DOCK8: variants seen among roughly 807,000 people sequenced by gnomAD.
The protein encoded by DOCK8 is dedicator of cytokinesis 8, also known as dedicator of cytokinesis protein 8.
Under a neutral mutation model 245.6 loss-of-function variants are expected in DOCK8, and 141 were observed. The ratio of observed to expected loss-of-function variants is 0.57; its 90% CI spans 0.50 to 0.66. The LOEUF (loss-of-function observed/expected upper bound fraction) is 0.66. DOCK8 is among the 30% of genes least tolerant of loss of function. DOCK8 has a pLI of 0.00. For missense variants in DOCK8, 2,965 were observed against 2,603.4 expected, an observed-to-expected ratio of 1.14 and a Z score of -3.02; for synonymous variants, 1,168 against 970.2, an observed-to-expected ratio of 1.20 and a Z score of -3.79.
chr9:415,577 G>A (rs1485263699), intron 29 of DOCK8, among the ~76,000 whole-genome samples: 1 of 152,154 alleles, frequency 6.6e-6, no homozygotes. Context: ...ATTAAGGAAT[G>A]TAGAGGGAAA....
chr9:314,564 C>T (rs768479806), intron 6 of DOCK8: 1 of 152,270 alleles, frequency 6.6e-6, no homozygotes, highest in Middle Eastern at 3.4e-3. Context: ...CTAATGGGGC[C>T]TGCTTTTATT....
At chr9:416,502 T>C (rs1057498963) in intron 29 of DOCK8, among the ~76,000 whole-genome samples, 5 of 152,230 alleles carry the variant, frequency 3.3e-5, no homozygotes, top group African/African-American at 1.2e-4. Context: ...GACTTCTTTG[T>C]ATATGCGTTG....
chr9:375,360 T>C (rs573160556), intron 18 of DOCK8, among the ~76,000 whole-genome samples: 4 of 152,292 alleles, frequency 2.6e-5, no homozygotes, highest in Admixed American at 2.0e-4. Context: ...GGTAATGATA[T>C]ATAAACGTAT....
chr9:214,880 C>G lies in DOCK8; in HGVS notation c.-97C>G. ...AGCGCCGACCGACAGACGAGGTTTG[C>G]GCTTGGCTGGGCATGTTCCGCGGCT... is the stretch of plus-strand genomic sequence containing the variant. On this transcript the variant is annotated 5_prime_UTR_variant, in exon 1 of 48. Coordinates refer to ENST00000432829, the MANE Select transcript of DOCK8 (RefSeq NM_203447.4). 1 of 1,601,698 alleles carries G rather than the reference C, an allele frequency of 6.2e-7. No homozygotes were observed. Among genetic ancestry groups the G allele is most frequent in the Non-Finnish European group, 8.5e-7 (1 of 1,174,744 alleles).
chr9:371,344 A>G (rs957914707), intron 16 of DOCK8, 84 bp from the exon 17 acceptor site: 21 of 1,537,728 alleles, frequency 1.4e-5, no homozygotes, highest in African/African-American at 2.7e-5. Flanking sequence ...AATTCTGAGG[A>G]GCAAAGGGGC....
chr9:435,073 T>C, intron 39 of DOCK8, 98 bp downstream of exon 39: 4 of 1,460,984 alleles, frequency 2.7e-6, no homozygotes, highest in Non-Finnish European at 3.7e-6. Flanking sequence ...TAGATACATT[T>C]TTGGTTATCA....
Position 328,121 on chromosome 9 carries a change from G to T in DOCK8, c.994G>T (p.Ala332Ser). Residue 332 changes from alanine to serine, a missense_variant, in exon 9 of 48, where the codon GCA (alanine) becomes TCA (serine). Physicochemically the swap from Ala to Ser is moderately conservative, Grantham distance 99 (BLOSUM62 1). Transcript: ENST00000432829. The part of the protein sequence containing the change: ...SVAASSQARS[A>S]VFSVTYPSSD... The stretch of plus-strand genomic sequence containing the variant: ...GGCCGCATCAAGTCAGGCGAGATCT[G>T]CAGTCTTCTCAGTCACCTACCCGTC... 6.2e-7 allele frequency: 1 copy of T among 1,614,198 alleles called. No individual in the cohort carries two copies. Among genetic ancestry groups the T allele is most frequent in the Non-Finnish European group, 8.5e-7 (1 of 1,180,024 alleles).
intron 46 of DOCK8, among the ~76,000 whole-genome samples, chr9:462,771 G>C (rs2057846340): frequency 6.6e-6 from 1 of 152,200 alleles, no homozygotes; most frequent in African/African-American, 2.4e-5. Context: ...GTAGCAGGAG[G>C]AGGCTGAATG....
intron 26 of DOCK8, among the ~76,000 whole-genome samples, chr9:400,623 C>T (rs374640000): frequency 2.4e-4 from 14 of 59,372 alleles, no homozygotes; most frequent in East Asian, 5.7e-4. Flanking sequence ...ACCTCCACCA[C>T]CATCACCACC....
At chr9:388,537 C>A (rs1410229554) in intron 23 of DOCK8, among the ~76,000 whole-genome samples, 1 of 151,666 alleles carries the variant, frequency 6.6e-6, no homozygotes, top group East Asian at 1.9e-4. Flanking sequence ...TGCATGCGTA[C>A]TGGACTCTGT....
In DOCK8 at chr9:304,428, A is replaced by T. The variant is rs2296820; in HGVS notation, c.405-153A>T. ...ACAGAGCCTTGTATTAGGCCTGGAGAATAATTAAATGTGAGGAATTATAAT... is the reference window on the plus strand; with the variant it reads ...ACAGAGCCTTGTATTAGGCCTGGAGTATAATTAAATGTGAGGAATTATAAT... On this transcript the variant is annotated intron_variant, in intron 4 of 47. Coordinates refer to ENST00000432829, the MANE Select transcript of DOCK8 (RefSeq NM_203447.4). Among the ~76,000 whole-genome samples the T allele has an allele frequency of 0.9, 137,734 of 152,264 alleles. 62,345 individuals are homozygous for T. The highest frequency in any genetic ancestry group is 0.93 in the Admixed American group (14,172 of 15,298).
intron 33 of DOCK8, 56 bp from the exon 34 acceptor site, chr9:426,829 T>G: frequency 7.0e-7 from 1 of 1,427,324 alleles, no homozygotes; most frequent in African/African-American, 1.4e-5. Flanking sequence ...ATTGCCATCA[T>G]GGGAACCTGG....
chr9:346,912 GC>G (rs2051916975), intron 14 of DOCK8, among the ~76,000 whole-genome samples: 1 of 152,090 alleles, frequency 6.6e-6, no homozygotes, highest in Non-Finnish European at 1.5e-5. Flanking sequence ...AGGAAGAGGG[GC>G]AGGACATGGG....
rs754807717 is a variant in DOCK8, at chr9:418,091, A to T, written c.3724A>T (p.Thr1242Ser). 3.7e-6 allele frequency: 6 copies of T among 1,614,118 alleles called. No homozygotes were observed. In the African/African-American group the frequency reaches 8.0e-5, roughly 22 times the overall value. ...FTVADTRRYR[T>S]SGSDEEQEGA... ...AGTTGCAGATACTCGCAGATACCGC[A>T]CCAGTGGCTCGGATGAAGAACAAGA... Residue 1242 changes from threonine (T) to serine (S), a missense_variant, in exon 30 of 48, where the codon ACC becomes TCC. Thr to Ser is a moderately conservative substitution (Grantham distance 58). This residue lies in a region of DOCK8 where 2,825 missense variants were observed against 2,453.5 expected (regional missense o/e 1.15). Coordinates refer to ENST00000432829, the MANE Select transcript of DOCK8 (RefSeq NM_203447.4).
Position 310,113 on chromosome 9 carries a change from C to T in DOCK8, c.529-1841C>T, listed in dbSNP as rs138758022. Among the ~76,000 whole-genome samples the T allele has an allele frequency of 2.2e-3, 341 of 151,926 alleles. 1 individual carries two copies. The highest frequency in any genetic ancestry group is 7.9e-3 in the African/African-American group (327 of 41,448). ...TGAAACCCTGTCTCTACTAAAAATA[C>T]AAAATTAGCCAGGCGTGGTGGCGCG... On this transcript the variant is annotated intron_variant, in intron 5 of 47. Transcript: ENST00000432829.
chr9:325,761 T>G (rs376392082), intron 8 of DOCK8, 24 bp downstream of exon 8: 1 of 1,587,970 alleles, frequency 6.3e-7, no homozygotes, highest in South Asian at 1.1e-5. Flanking sequence ...GAAAAATCCA[T>G]CCCTAAGGCA....
intron 24 of DOCK8, among the ~76,000 whole-genome samples, chr9:392,926 A>G (rs1272872163): frequency 6.6e-6 from 1 of 151,890 alleles, no homozygotes; most frequent in African/African-American, 2.4e-5. Context: ...AGCTCTGCAA[A>G]AATGAAAAAA....
At chr9:401,745 C>G (rs1367189636) in intron 26 of DOCK8, among the ~76,000 whole-genome samples, 1 of 152,080 alleles carries the variant, frequency 6.6e-6, no homozygotes, top group Non-Finnish European at 1.5e-5. Context: ...TTACATAACA[C>G]CTCTCCTCCA....
chr9:346,357 G>T (rs2051887147), intron 14 of DOCK8, among the ~76,000 whole-genome samples: 1 of 152,086 alleles, frequency 6.6e-6, no homozygotes, highest in Non-Finnish European at 1.5e-5. Flanking sequence ...AAAACAGCAT[G>T]GGCTGAGGCC....
Sources: allele counts gnomAD v4.1 joint callset (sites outside exome capture counted in the v4.1 genomes callset), GRCh38; gene constraint gnomAD v4.1.1; regional missense constraint gnomAD v4.1.1; transcripts MANE v1.5; gene names NCBI Gene and HGNC (gene_info 2026-07-23, HGNC 2026-07-21).